Variants in NMNAT2 observed in about 807,000 individuals in gnomAD.
NMNAT2 encodes the protein nicotinamide nucleotide adenylyltransferase 2.
NMNAT2 carries 11 observed loss-of-function variants against 41.6 expected under a neutral mutation model. The ratio of observed to expected loss-of-function variants is 0.26; its 90% CI spans 0.17 to 0.44. The LOEUF (loss-of-function observed/expected upper bound fraction) is 0.44. Ranked by LOEUF, NMNAT2 falls within the 20% of genes least tolerant of loss-of-function variation. The pLI is 1.00. For missense variants in NMNAT2, 288 were observed against 407.7 expected (o/e 0.71, Z 2.53); for synonymous variants, 148 against 151.2 (o/e 0.98, Z 0.16).
intron 1 of NMNAT2, among the ~76,000 whole-genome samples, chr1:183,336,690 G>C (rs1164640317): frequency 6.6e-6 from 1 of 152,130 alleles, no homozygotes; most frequent in East Asian, 1.9e-4. Context: ...AGATGATTCA[G>C]CAATTCTATT....
intron 1 of NMNAT2, among the ~76,000 whole-genome samples, chr1:183,319,413 T>C (rs1413959067): frequency 6.6e-6 from 1 of 152,242 alleles, no homozygotes; most frequent in Non-Finnish European, 1.5e-5. Flanking sequence ...TGAGATGATA[T>C]ATGCCACTGT....
At chr1:183,417,546 T>C (rs1208118845) in intron 1 of NMNAT2, among the ~76,000 whole-genome samples, 3 of 151,922 alleles carry the variant, frequency 2.0e-5, no homozygotes, top group African/African-American at 7.3e-5. Flanking sequence ...AGGCCGAACC[T>C]AGGCGGAAAA....
chr1:183,400,812 G>A (rs1648788044), intron 1 of NMNAT2, among the ~76,000 whole-genome samples: 1 of 152,288 alleles, frequency 6.6e-6, no homozygotes, highest in South Asian at 2.1e-4. Flanking sequence ...AAGAAATGGG[G>A]AAAGGATTCC....
chr1:183,254,654 C>A (rs903947665), intron 10 of NMNAT2, among the ~76,000 whole-genome samples: 1 of 152,176 alleles, frequency 6.6e-6, no homozygotes, highest in Non-Finnish European at 1.5e-5. Context: ...CTCACTATGT[C>A]TGGAACTCCT....
chr1:183,279,295 C>A (rs929524177), intron 7 of NMNAT2, among the ~76,000 whole-genome samples: 1 of 152,170 alleles, frequency 6.6e-6, no homozygotes, highest in Non-Finnish European at 1.5e-5. Flanking sequence ...CCCAGTGAGG[C>A]CCATTGTTGT....
At chr1:183,301,739 A>G (rs148660144) in intron 1 of NMNAT2, among the ~76,000 whole-genome samples, 2 of 152,364 alleles carry the variant, frequency 1.3e-5, no homozygotes, top group East Asian at 1.9e-4. Context: ...GACAGACACA[A>G]TATGAGTGAT....
intron 1 of NMNAT2, among the ~76,000 whole-genome samples, chr1:183,320,149 A>G (rs1288671075): frequency 6.6e-6 from 1 of 152,242 alleles, no homozygotes; most frequent in African/African-American, 2.4e-5. Context: ...CAAGATGAGA[A>G]TCTTCTGGGC....
intron 1 of NMNAT2, among the ~76,000 whole-genome samples, chr1:183,405,110 G>C (rs1179855634): frequency 1.3e-5 from 2 of 152,096 alleles, no homozygotes; most frequent in Non-Finnish European, 2.9e-5. Flanking sequence ...GTCCCAGCTA[G>C]TTGGAAGGCT....
chr1:183,269,578 G>A (rs1427739249), intron 8 of NMNAT2, among the ~76,000 whole-genome samples: 1 of 152,244 alleles, frequency 6.6e-6, no homozygotes, highest in Non-Finnish European at 1.5e-5. Context: ...GGATAGTCAG[G>A]GATGCACATG....
chr1:183,383,448 T>C (rs1400213919), intron 1 of NMNAT2, among the ~76,000 whole-genome samples: 1 of 152,212 alleles, frequency 6.6e-6, no homozygotes, highest in African/African-American at 2.4e-5. Flanking sequence ...CCCCCCAAAA[T>C]GGGTTTTTCT....
Position 183,284,001 on chromosome 1 carries a change from C to G in NMNAT2, c.568G>C (p.Glu190Gln), listed in dbSNP as rs764247192. Residue 190 changes from glutamate to glutamine, a missense_variant, in exon 7 of 11, where the codon GAG becomes CAG. By Grantham distance (29) the Glu-to-Gln change is conservative. Transcript: ENST00000287713. ...ANLGTVMRYEEIELRILLLCG... is the reference protein window; with the variant it reads ...ANLGTVMRYEQIELRILLLCG... ...CTTTCGCAGTCCCACTCACCAATCT[C>G]TTCATACCGCATCACCGTGCCCAGA... 5.0e-6 allele frequency: 8 copies of G among 1,614,072 alleles called. No homozygotes were observed. Among genetic ancestry groups the G allele is most frequent in the Non-Finnish European group, 6.8e-6 (8 of 1,179,996 alleles).
At chr1:183,313,258 A>T (rs1328885952) in intron 1 of NMNAT2, among the ~76,000 whole-genome samples, 1 of 152,216 alleles carries the variant, frequency 6.6e-6, no homozygotes, top group Non-Finnish European at 1.5e-5. Flanking sequence ...AGAATCCAGC[A>T]TGCCTGAGAT....
chr1:183,365,009 A>C (rs185905266), intron 1 of NMNAT2, among the ~76,000 whole-genome samples: 1 of 152,114 alleles, frequency 6.6e-6, no homozygotes, highest in African/African-American at 2.4e-5. Context: ...ATGAACAGGA[A>C]CCTCAACCTT....
chr1:183,282,440 A>C (rs1661295161), intron 7 of NMNAT2, among the ~76,000 whole-genome samples: 1 of 151,938 alleles, frequency 6.6e-6, no homozygotes, highest in South Asian at 2.1e-4. Context: ...CCTGGAGGGG[A>C]CTCCTTGAGT....
chr1:183,411,851 A>G (rs1649126219), intron 1 of NMNAT2, among the ~76,000 whole-genome samples: 1 of 152,174 alleles, frequency 6.6e-6, no homozygotes, highest in South Asian at 2.1e-4. Context: ...GCAATTTTAA[A>G]TTATGTGATC....
Position 183,333,237 on chromosome 1 carries a change from G to C in NMNAT2, c.86-39444C>G, listed in dbSNP as rs79438931. Among the ~76,000 whole-genome samples the C allele has an allele frequency of 8.9e-3, 1,358 of 152,258 alleles. 20 individuals are homozygous for C. Among genetic ancestry groups the C allele is most frequent in the African/African-American group, 0.031 (1,291 of 41,540 alleles). ...GCATTTACTGAACATCTTCAGAGAG[G>C]TCCTTGGGCCAAAAGAAAACTCAGG... On this transcript the variant is annotated intron_variant, in intron 1 of 10. Transcript: ENST00000287713.
chr1:183,338,220 T>TGA (rs61467808), intron 1 of NMNAT2, among the ~76,000 whole-genome samples: 105,922 of 149,056 alleles, frequency 0.71, 37,810 homozygotes, highest in East Asian at 0.9. Flanking sequence ...TGACAGATCA[T>TGA]TAACCGTGAG....
intron 1 of NMNAT2, among the ~76,000 whole-genome samples, chr1:183,352,825 T>C (rs1663093560): frequency 6.6e-6 from 1 of 152,126 alleles, no homozygotes; most frequent in African/African-American, 2.4e-5. Flanking sequence ...GGCAGCCCCA[T>C]GCTCACCCCT....
intron 1 of NMNAT2, among the ~76,000 whole-genome samples, chr1:183,333,543 C>G (rs138305550): frequency 6.6e-6 from 1 of 152,084 alleles, no homozygotes; most frequent in African/African-American, 2.4e-5. Flanking sequence ...AGCCAAGGAG[C>G]GCAAGCAGTC....
Sources: allele counts gnomAD v4.1 joint callset (sites outside exome capture counted in the v4.1 genomes callset), GRCh38; gene constraint gnomAD v4.1.1; transcripts MANE v1.5; gene names NCBI Gene and HGNC (gene_info 2026-07-23, HGNC 2026-07-21).